Variants in CAMK1D observed in about 807,000 individuals in gnomAD.
The protein encoded by CAMK1D is calcium/calmodulin-dependent protein kinase type 1D.
A neutral mutation model predicts 47.7 loss-of-function variants in CAMK1D; 9 were observed. The ratio of observed to expected loss-of-function variants is 0.19; its 90% CI spans 0.11 to 0.33. The LOEUF (loss-of-function observed/expected upper bound fraction) is 0.33, where lower values mean the gene tolerates loss of function less well. Among genes scored for constraint, CAMK1D ranks in the 10% least tolerant of loss-of-function variants. CAMK1D has a pLI of 1.00. For synonymous variants in CAMK1D, 184 were observed against 184.9 expected, an observed-to-expected ratio of 0.99 and a Z score of 0.04; for missense variants, 291 against 488.7, an observed-to-expected ratio of 0.60 and a Z score of 3.81.
At chr10:12,710,329 C>T (rs1422333772) in intron 3 of CAMK1D, among the ~76,000 whole-genome samples, 1 of 152,170 alleles carries the variant, frequency 6.6e-6, no homozygotes, top group Non-Finnish European at 1.5e-5. Context: ...TATTTCTGGA[C>T]AGTGTCTTGA....
chr10:12,827,279 TTCTTTTTC>T (rs1200404755), intron 10 of CAMK1D, among the ~76,000 whole-genome samples: 8 of 12,636 alleles, frequency 6.3e-4, no homozygotes, highest in Non-Finnish European at 2.1e-4. Context: ...TCTCTTTCTT[TTCTTTTTC>T]TTTCTTTCTT....
At chr10:12,726,304 G>A (rs1834632523) in intron 3 of CAMK1D, among the ~76,000 whole-genome samples, 1 of 151,908 alleles carries the variant, frequency 6.6e-6, no homozygotes, top group South Asian at 2.1e-4. Flanking sequence ...CGCACCTGTA[G>A]TCCCAGCTAC....
chr10:12,719,500 A>G (rs1337618826), intron 3 of CAMK1D, among the ~76,000 whole-genome samples: 1 of 152,198 alleles, frequency 6.6e-6, no homozygotes, highest in Admixed American at 6.5e-5. Context: ...TATCAAGAGA[A>G]ATCTGGGAGG....
chr10:12,735,026 G>A (rs1165166320), intron 3 of CAMK1D, among the ~76,000 whole-genome samples: 2 of 152,202 alleles, frequency 1.3e-5, no homozygotes, highest in Non-Finnish European at 2.9e-5. Context: ...CTAGCCTGAA[G>A]TGCCTTAGAA....
intron 1 of CAMK1D, among the ~76,000 whole-genome samples, chr10:12,416,433 T>TA (rs941595084): frequency 6.6e-6 from 1 of 152,218 alleles, no homozygotes; most frequent in African/African-American, 2.4e-5. Context: ...ACATAAAATT[T>TA]AGAGTTGGAA....
At chr10:12,733,306 G>A (rs142016699) in intron 3 of CAMK1D, among the ~76,000 whole-genome samples, 2 of 152,306 alleles carry the variant, frequency 1.3e-5, no homozygotes, top group African/African-American at 4.8e-5. Flanking sequence ...TAGTAGCAGT[G>A]AAGATGGAGT....
intron 6 of CAMK1D, 41 bp downstream of exon 6, chr10:12,791,274 C>CT (rs780710661): frequency 7.6e-6 from 12 of 1,579,662 alleles, no homozygotes; most frequent in Admixed American, 1.7e-5. Flanking sequence ...CTCTACCGGC[C>CT]TTTTTTTGTT....
At chr10:12,382,862 T>C (rs949519150) in intron 1 of CAMK1D, among the ~76,000 whole-genome samples, 2 of 151,960 alleles carry the variant, frequency 1.3e-5, no homozygotes, top group East Asian at 1.9e-4. Flanking sequence ...CAAGTAATAA[T>C]AGCACTTTCT....
intron 5 of CAMK1D, among the ~76,000 whole-genome samples, chr10:12,780,563 C>T (rs554144476): frequency 1.3e-5 from 2 of 152,276 alleles, no homozygotes; most frequent in Admixed American, 1.3e-4. Flanking sequence ...ACCTCCCCAG[C>T]GTCTGTCTTC....
intron 3 of CAMK1D, among the ~76,000 whole-genome samples, chr10:12,722,273 A>G (rs368747717): frequency 9.9e-5 from 15 of 151,918 alleles, no homozygotes; most frequent in East Asian, 3.9e-4. Context: ...GTGAAACCCC[A>G]TCTCTACTAA....
chr10:12,740,522 T>C (rs886487908), intron 3 of CAMK1D, among the ~76,000 whole-genome samples: 1 of 152,094 alleles, frequency 6.6e-6, no homozygotes, highest in African/African-American at 2.4e-5. Context: ...TGTTTGAACC[T>C]GGGAGGTGGA....
At chr10:12,797,980 T>A (rs1203784153) in intron 6 of CAMK1D, among the ~76,000 whole-genome samples, 1 of 152,048 alleles carries the variant, frequency 6.6e-6, no homozygotes, top group East Asian at 1.9e-4. Flanking sequence ...GAAATCGGGC[T>A]TTTAGATGGT....
intron 4 of CAMK1D, among the ~76,000 whole-genome samples, chr10:12,762,014 C>A (rs183614332): frequency 6.6e-6 from 1 of 152,294 alleles, no homozygotes; most frequent in African/African-American, 2.4e-5. Flanking sequence ...CATATATGCC[C>A]CTCCCCAGCA....
chr10:12,641,226 C>T (rs1215429798), intron 2 of CAMK1D, among the ~76,000 whole-genome samples: 4 of 152,182 alleles, frequency 2.6e-5, no homozygotes, highest in African/African-American at 7.2e-5. Context: ...GCCTTGGTCT[C>T]CCACAGTGCT....
At chr10:12,553,116 A>C in intron 1 of CAMK1D, 109 bp from the exon 2 acceptor site, 1 of 1,573,516 alleles carries the variant, frequency 6.4e-7, no homozygotes, top group Non-Finnish European at 8.6e-7. Context: ...TAATGCTTAC[A>C]ACTGTGCCGT....
chr10:12,695,175 A>G (rs778219993), intron 3 of CAMK1D, among the ~76,000 whole-genome samples: 1 of 152,188 alleles, frequency 6.6e-6, no homozygotes. Context: ...AGTACAGATG[A>G]TAAAGCAGGA....
chr10:12,775,102 CTG>C (rs1837224570), intron 5 of CAMK1D, among the ~76,000 whole-genome samples: 5 of 42,126 alleles, frequency 1.2e-4, no homozygotes, highest in African/African-American at 5.3e-4. Context: ...TCAGGTGAGA[CTG>C]TGAGAAGGCT....
At chr10:12,735,835 G>A (rs969773178) in intron 3 of CAMK1D, among the ~76,000 whole-genome samples, 3 of 151,492 alleles carry the variant, frequency 2.0e-5, no homozygotes. Context: ...CCCTCCTTGC[G>A]CTCCAGATAC....
Position 12,574,426 on chromosome 10 carries a change from T to C in CAMK1D, c.224+21070T>C, listed in dbSNP as rs867970603. ...AAGCGATTCTCATGCCTCAGCCTCC[T>C]GAGTAGCTGGGATTACAGGTGCACA... On this transcript the variant is annotated intron_variant, in intron 2 of 10. Coordinates refer to ENST00000619168, the MANE Select transcript of CAMK1D (RefSeq NM_153498.4). Among the ~76,000 whole-genome samples, 14 of 150,464 alleles carry C rather than the reference T, an allele frequency of 9.3e-5. 1 individual carries two copies. The Middle Eastern group carries it at 0.014, about 149-fold the overall frequency.
Sources: allele counts gnomAD v4.1 joint callset (sites outside exome capture counted in the v4.1 genomes callset), GRCh38; gene constraint gnomAD v4.1.1; transcripts MANE v1.5; gene names NCBI Gene and HGNC (gene_info 2026-07-23, HGNC 2026-07-21).